GLP2R: variants seen among roughly 807,000 people sequenced by gnomAD.
The protein encoded by GLP2R is glucagon like peptide 2 receptor, also known as glucagon-like peptide 2 receptor.
GLP2R carries 59 observed loss-of-function variants against 68.2 expected under a neutral mutation model. The ratio of observed to expected loss-of-function variants is 0.87; its 90% CI spans 0.70 to 1.07. GLP2R has a LOEUF of 1.07. Among genes scored for constraint, GLP2R ranks in the 50% least tolerant of loss-of-function variants. The pLI is 0.00. For missense variants in GLP2R, 548 were observed against 677.4 expected (o/e 0.81, Z 2.12); for synonymous variants, 270 against 265.4 (o/e 1.02, Z -0.17).
rs114514574 is a variant in GLP2R, at chr17:9,857,437, C to T, written c.626C>T (p.Thr209Met). Residue 209 changes from threonine (T) to methionine (M), a missense_variant, in exon 6 of 13, where the codon ACG (threonine) becomes ATG (methionine). Thr to Met is a moderately conservative substitution (Grantham distance 81, BLOSUM62 -1). Transcript: ENST00000262441. ...LLLFLRKLHC[T>M]RNYIHMNLFA... ...TCCTCGCACAGAAAACTCCACTGCACGCGCAACTACATCCACATGAACTTG... is the reference window on the plus strand; with the variant it reads ...TCCTCGCACAGAAAACTCCACTGCATGCGCAACTACATCCACATGAACTTG... 8.4e-5 allele frequency: 136 copies of T among 1,614,150 alleles called. 2 individuals are homozygous for T. In the East Asian group the frequency reaches 1.2e-3, roughly 14 times the overall value.
chr17:9,877,407 G>T (rs2152046735), intron 10 of GLP2R, among the ~76,000 whole-genome samples: 1 of 152,280 alleles, frequency 6.6e-6, no homozygotes, highest in South Asian at 2.1e-4. Flanking sequence ...AGGGTGAGTA[G>T]CCCAAAACTT....
chr17:9,851,662 C>T (rs2066892432), intron 4 of GLP2R, among the ~76,000 whole-genome samples: 1 of 151,700 alleles, frequency 6.6e-6, no homozygotes, highest in Non-Finnish European at 1.5e-5. Flanking sequence ...GTTCTGCCTC[C>T]AGACCACCAC....
chr17:9,872,121 C>T (rs957347959), intron 10 of GLP2R, among the ~76,000 whole-genome samples: 3 of 152,240 alleles, frequency 2.0e-5, no homozygotes, highest in Non-Finnish European at 2.9e-5. Flanking sequence ...TTTCAGTCCA[C>T]ACAGGAAGGC....
intron 4 of GLP2R, 31 bp from the exon 5 acceptor site, chr17:9,854,464 G>A (rs1457157567): frequency 1.5e-6 from 2 of 1,342,594 alleles, no homozygotes; most frequent in Admixed American, 1.7e-5. Context: ...CCATGGCTTA[G>A]TGGTCATGTC....
chr17:9,840,789 T>C (rs868224609), intron 3 of GLP2R, among the ~76,000 whole-genome samples: 2 of 151,994 alleles, frequency 1.3e-5, no homozygotes, highest in African/African-American at 4.8e-5. Context: ...AGGGAGGGTG[T>C]TCAGGAGGGA....
chr17:9,834,039 C>G lies in GLP2R; in HGVS notation c.277+145C>G. 4 of 704,946 alleles carry G rather than the reference C, an allele frequency of 5.7e-6. No homozygotes were observed. In the South Asian group the frequency reaches 6.3e-5, roughly 11 times the overall value. 43.7% of individuals were successfully genotyped at this position (704,946 alleles called of 1,614,324 possible). A position where few individuals can be genotyped will look rare whatever the true frequency, so the allele number is the denominator to read the frequency against. ...AGGGCACACTGGGGATGGCTTGTTT[C>G]CGCTCTGTAATGTCTAGAGTTTAGC... is the stretch of plus-strand genomic sequence containing the variant. On this transcript the variant is annotated intron_variant, in intron 2 of 12. Transcript: ENST00000262441.
chr17:9,877,656 G>A (rs1242325979), intron 10 of GLP2R, among the ~76,000 whole-genome samples: 1 of 152,170 alleles, frequency 6.6e-6, no homozygotes, highest in Non-Finnish European at 1.5e-5. Context: ...TTGGGAGGCC[G>A]AGGCGGGCGG....
At chr17:9,849,985 G>A (rs903726075) in intron 4 of GLP2R, among the ~76,000 whole-genome samples, 1 of 152,132 alleles carries the variant, frequency 6.6e-6, no homozygotes, top group Non-Finnish European at 1.5e-5. Context: ...TATATTTGTG[G>A]CAGTATATCT....
At position 9,826,192 on chromosome 17, in the gene GLP2R, C is replaced by T. The variant is rs1211531627; in HGVS notation, c.129C>T (p.Cys43=). The T allele has an allele frequency of 3.7e-6, 6 of 1,613,542 alleles. No homozygotes were observed. The highest frequency in any genetic ancestry group is 4.2e-6 in the Non-Finnish European group (5 of 1,179,844). The change falls in exon 1 of 13, where the codon TGC becomes TGT. Residue 43 remains cysteine, a synonymous_variant. Transcript: ENST00000262441. The stretch of plus-strand genomic sequence containing the variant: ...GTCCTCTCTCCTTCCACAGGAAGTG[C>T]TCTCTCTGGGCCCCTGGGAGGCCCT... ...GTSPLSFHRK[C]SLWAPGRPFL... is the part of the protein sequence containing the mutation.
At chr17:9,882,073 G>T (rs60574669) in intron 11 of GLP2R, among the ~76,000 whole-genome samples, 9,044 of 151,034 alleles carry the variant, frequency 0.06, 925 homozygotes, top group African/African-American at 0.21. Context: ...GAAGGATTCA[G>T]TCAAGAAAAA....
At chr17:9,826,394 CA>C in intron 1 of GLP2R, 142 bp downstream of exon 1, 2 of 609,568 alleles carry the variant, frequency 3.3e-6, no homozygotes, top group Non-Finnish European at 5.4e-6. Context: ...TCCTAGCATT[CA>C]AAGGTAATCA....
At chr17:9,864,099 G>C (rs2067011902) in intron 9 of GLP2R, among the ~76,000 whole-genome samples, 1 of 152,084 alleles carries the variant, frequency 6.6e-6, no homozygotes, top group Non-Finnish European at 1.5e-5. Flanking sequence ...GAATCCCCTG[G>C]GTGTCTTTAA....
At chr17:9,888,631 T>A (rs2152051440) in intron 12 of GLP2R, among the ~76,000 whole-genome samples, 1 of 152,260 alleles carries the variant, frequency 6.6e-6, no homozygotes, top group South Asian at 2.1e-4. Context: ...CACACTCAGC[T>A]AATTTTTATA....
intron 11 of GLP2R, among the ~76,000 whole-genome samples, chr17:9,884,842 C>A (rs55672841): frequency 0.13 from 19,074 of 152,044 alleles, 1,586 homozygotes; most frequent in South Asian, 0.3. Context: ...GTGTTCCTGG[C>A]CGTAATCTTC....
intron 9 of GLP2R, among the ~76,000 whole-genome samples, 199 bp downstream of exon 9, chr17:9,862,289 C>T (rs2066994381): frequency 6.6e-6 from 1 of 152,186 alleles, no homozygotes; most frequent in South Asian, 2.1e-4. Flanking sequence ...CATTGTAAGC[C>T]TCCTTCTCTC....
At chr17:9,867,945 A>C (rs1431002778) in intron 9 of GLP2R, among the ~76,000 whole-genome samples, 1 of 152,076 alleles carries the variant, frequency 6.6e-6, no homozygotes, top group East Asian at 1.9e-4. Context: ...CAGGCTTCCC[A>C]AGACATTTCC....
chr17:9,842,329 T>C (rs1465109304), intron 3 of GLP2R, among the ~76,000 whole-genome samples, 166 bp from the exon 4 acceptor site: 1 of 152,178 alleles, frequency 6.6e-6, no homozygotes, highest in African/African-American at 2.4e-5. Flanking sequence ...ATTGAGAAGC[T>C]TCCATGTTTT....
At chr17:9,882,052 A>AAAAG (rs2067201670) in intron 11 of GLP2R, among the ~76,000 whole-genome samples, 3 of 151,290 alleles carry the variant, frequency 2.0e-5, no homozygotes, top group African/African-American at 7.4e-5. Flanking sequence ...AAAAAAAAAA[A>AAAAG]AAAGAAATGA....
chr17:9,874,017 T>C (rs1033038518), intron 10 of GLP2R, among the ~76,000 whole-genome samples: 1 of 152,194 alleles, frequency 6.6e-6, no homozygotes, highest in Admixed American at 6.5e-5. Context: ...TCCTCATGTA[T>C]ATGCATGGTA....
Sources: gnomAD v4.1 joint callset for allele counts (sites outside exome capture counted in the v4.1 genomes callset) on GRCh38, gnomAD v4.1.1 for gene constraint, MANE v1.5 for transcripts, NCBI Gene and HGNC (gene_info 2026-07-23, HGNC 2026-07-21) for gene names.